The following RAB6A variants were observed in gnomAD, a reference collection of about 807,000 sequenced individuals.
RAB6A encodes the protein ras-related protein Rab-6A.
In RAB6A, 8 loss-of-function variants were observed where a neutral mutation model predicts 32.3. The ratio of observed to expected loss-of-function variants is 0.25; its 90% CI spans 0.15 to 0.45. RAB6A has a LOEUF of 0.45. Ranked by LOEUF, RAB6A falls within the 20% of genes least tolerant of loss-of-function variation. The pLI, the probability that RAB6A is intolerant of heterozygous loss-of-function variation, is 1.00. For synonymous variants in RAB6A, 73 were observed against 82.1 expected (o/e 0.89, Z 0.60); for missense variants, 104 against 249.4 (o/e 0.42, Z 3.93).
chr11:73,686,422 C>T (rs1479207393), intron 6 of RAB6A, among the ~76,000 whole-genome samples: 3 of 152,040 alleles, frequency 2.0e-5, no homozygotes, highest in African/African-American at 4.8e-5. Context: ...GGTGTGGTGG[C>T]AGGCACCTGT....
chr11:73,724,473 A>T (rs956756215), intron 2 of RAB6A, among the ~76,000 whole-genome samples: 8 of 151,572 alleles, frequency 5.3e-5, no homozygotes, highest in South Asian at 2.1e-4. Context: ...ATGTTTTCCT[A>T]AATGCATTTC....
Position 73,695,792 on chromosome 11 carries a change from A to C in RAB6A, c.495+11628T>G, listed in dbSNP as rs188313448. On this transcript the variant is annotated intron_variant, in intron 6 of 7. Transcript: ENST00000336083. ...CCAGGTGTATGGTATTTTATTTGTA[A>C]TTTCTAGGAGGCAACAGACATATTT... Among the ~76,000 whole-genome samples the C allele has an allele frequency of 6.1e-4, 93 of 152,266 alleles. No individual in the cohort carries two copies. In the East Asian group the frequency reaches 6.7e-3, roughly 11 times the overall value.
chr11:73,737,751 T>C (rs1019089090), intron 1 of RAB6A, among the ~76,000 whole-genome samples: 1 of 152,022 alleles, frequency 6.6e-6, no homozygotes, highest in African/African-American at 2.4e-5. Flanking sequence ...TCCCAGCACT[T>C]TGGGAGGCCA....
intron 6 of RAB6A, 51 bp from the exon 7 acceptor site, chr11:73,679,771 G>A (rs1945326226): frequency 1.9e-6 from 3 of 1,606,108 alleles, no homozygotes; most frequent in Non-Finnish European, 2.6e-6. Flanking sequence ...TTAGCAAAGG[G>A]TACTGAGGTT....
At position 73,760,920 on chromosome 11, in the gene RAB6A, C is replaced by G. The variant is rs866324912; in HGVS notation, c.-285G>C. On this transcript the variant is annotated 5_prime_UTR_variant, in exon 1 of 8. Transcript: ENST00000336083. ...AGGGGTGTCCTCTGGCTTCCCAAAGCTAGGGCCGTTCCCTCCTTCCGCACT... is the reference window on the plus strand; with the variant it reads ...AGGGGTGTCCTCTGGCTTCCCAAAGGTAGGGCCGTTCCCTCCTTCCGCACT... 3 of 380,448 alleles carry G rather than the reference C, an allele frequency of 7.9e-6. No individual in the cohort carries two copies. The South Asian group carries it at 2.3e-4, about 30-fold the overall frequency. The allele number at this position is 380,448 out of a possible 1,614,324, so 23.6% of individuals were successfully genotyped here.
At position 73,728,477 on chromosome 11, in the gene RAB6A, T is replaced by C. The variant is rs1397074801; in HGVS notation, c.129+2288A>G. Among the ~76,000 whole-genome samples the C allele has an allele frequency of 2.0e-5, 3 of 151,806 alleles. No individual in the cohort carries two copies. In the East Asian group the frequency reaches 5.8e-4, roughly 29 times the overall value. ...TATTGCTTTTTGTATATTCCACTTG[T>C]TAAATGACACATAGGTCAGGTGTGG... On this transcript the variant is annotated intron_variant, in intron 2 of 7. Transcript: ENST00000336083.
At chr11:73,678,563 G>A (rs191305377) in intron 7 of RAB6A, among the ~76,000 whole-genome samples, 7 of 152,008 alleles carry the variant, frequency 4.6e-5, no homozygotes, top group Middle Eastern at 3.4e-3. Context: ...GTTGTGGTGA[G>A]CTGAGATTGC....
At chr11:73,716,148 A>G (rs1024349848) in intron 5 of RAB6A, 103 bp downstream of exon 5, 16 of 831,262 alleles carry the variant, frequency 1.9e-5, no homozygotes, top group Middle Eastern at 6.8e-4. Context: ...ACGTAAACTT[A>G]AGGATTAAGC....
chr11:73,695,153 C>A (rs1486611913), intron 6 of RAB6A, among the ~76,000 whole-genome samples: 1 of 152,036 alleles, frequency 6.6e-6, no homozygotes, highest in African/African-American at 2.4e-5. Flanking sequence ...CTAACCTAAA[C>A]TCAACTCAGG....
chr11:73,699,630 G>A (rs1295725857), intron 6 of RAB6A, among the ~76,000 whole-genome samples: 3 of 152,094 alleles, frequency 2.0e-5, no homozygotes, highest in African/African-American at 7.2e-5. Context: ...AATTTATCAT[G>A]TATGACCCAT....
intron 3 of RAB6A, chr11:73,718,946 A>G (rs763334899): frequency 6.8e-7 from 1 of 1,460,932 alleles, no homozygotes; most frequent in Non-Finnish European, 9.3e-7. Context: ...TACTAAAAAG[A>G]AAAAAGAAAC....
At chr11:73,680,070 C>A (rs1465056389) in intron 6 of RAB6A, among the ~76,000 whole-genome samples, 5 of 152,072 alleles carry the variant, frequency 3.3e-5, no homozygotes, top group Non-Finnish European at 7.4e-5. Flanking sequence ...TGCACTCCAG[C>A]CCGGGCAACA....
At chr11:73,682,448 G>C (rs553020655) in intron 6 of RAB6A, among the ~76,000 whole-genome samples, 4 of 152,264 alleles carry the variant, frequency 2.6e-5, no homozygotes, top group African/African-American at 9.6e-5. Context: ...TGGATCACGA[G>C]GTCAGGAGAT....
At chr11:73,707,139 A>AG (rs1000033049) in intron 6 of RAB6A, among the ~76,000 whole-genome samples, 3 of 151,168 alleles carry the variant, frequency 2.0e-5, no homozygotes, top group Non-Finnish European at 3.0e-5. Flanking sequence ...AAAAAAAAAA[A>AG]AAAGAAAAGA....
intron 1 of RAB6A, among the ~76,000 whole-genome samples, chr11:73,755,667 G>T (rs1946736629): frequency 1.3e-5 from 2 of 152,058 alleles, no homozygotes; most frequent in Admixed American, 1.3e-4. Flanking sequence ...TACTAGGGAG[G>T]CTGAGGCAGG....
At chr11:73,738,614 A>C (rs1408621032) in intron 1 of RAB6A, among the ~76,000 whole-genome samples, 1 of 152,132 alleles carries the variant, frequency 6.6e-6, no homozygotes, top group Non-Finnish European at 1.5e-5. Flanking sequence ...GTGCCACTGC[A>C]CTCCAGCCCT....
intron 1 of RAB6A, among the ~76,000 whole-genome samples, chr11:73,744,874 C>T (rs1946562106): frequency 6.6e-6 from 1 of 151,648 alleles, no homozygotes; most frequent in South Asian, 2.1e-4. Flanking sequence ...ACTCAGGAGG[C>T]TGAGGCAGGA....
chr11:73,722,367 T>TTTTTTTTTTTTTTTTTTTTTTTTG (rs1393411671), intron 2 of RAB6A: 1 of 81,784 alleles, frequency 1.2e-5, no homozygotes, highest in African/African-American at 4.8e-5. Context: ...TTTTTTTTTT[T>TTTTTTTTTTTTTTTTTTTTTTTTG]GAGACAGTCT....
chr11:73,736,809 G>GAA (rs756237159), intron 1 of RAB6A, among the ~76,000 whole-genome samples: 65,234 of 108,624 alleles, frequency 0.6, 18,737 homozygotes, highest in East Asian at 0.69. Context: ...AAAAAAAAAA[G>GAA]AAAAAAAAAA....
Sources: allele counts gnomAD v4.1 joint callset (sites outside exome capture counted in the v4.1 genomes callset), GRCh38; gene constraint gnomAD v4.1.1; transcripts MANE v1.5; gene names NCBI Gene and HGNC (gene_info 2026-07-23, HGNC 2026-07-21).